ERBB4: variants seen among roughly 807,000 people sequenced by gnomAD.
ERBB4 encodes erb-b2 receptor tyrosine kinase 4, also known as receptor tyrosine-protein kinase erbB-4.
ERBB4 carries 42 observed loss-of-function variants against 158.0 expected under a neutral mutation model. The ratio of observed to expected loss-of-function variants is 0.27; its 90% CI spans 0.21 to 0.34. ERBB4 has a LOEUF of 0.34. ERBB4 is among the 10% of genes least tolerant of loss of function. The probability of loss-of-function intolerance (pLI) is 1.00; values close to 1 mark genes in which losing one functional copy is unlikely to be tolerated. For missense variants in ERBB4, 1,333 were observed against 1,624.1 expected, an observed-to-expected ratio of 0.82 and a Z score of 3.08; for synonymous variants, 583 against 558.7, an observed-to-expected ratio of 1.04 and a Z score of -0.61.
At chr2:212,465,577 A>C (rs1458980848) in intron 1 of ERBB4, among the ~76,000 whole-genome samples, 2 of 152,204 alleles carry the variant, frequency 1.3e-5, no homozygotes, top group Admixed American at 1.3e-4. Context: ...AGCATATGAA[A>C]ATTGGAGCCA....
intron 2 of ERBB4, among the ~76,000 whole-genome samples, chr2:212,073,539 A>G (rs1286970842): frequency 6.6e-6 from 1 of 151,932 alleles, no homozygotes; most frequent in Non-Finnish European, 1.5e-5. Flanking sequence ...CCCTGCAGGG[A>G]GTGAGTCAGA....
At chr2:212,481,731 A>T (rs1167506820) in intron 1 of ERBB4, among the ~76,000 whole-genome samples, 1 of 152,216 alleles carries the variant, frequency 6.6e-6, no homozygotes, top group African/African-American at 2.4e-5. Flanking sequence ...AGCATTCCAC[A>T]AAAAAGTATT....
At chr2:212,115,097 T>C (rs972579977) in intron 2 of ERBB4, among the ~76,000 whole-genome samples, 1 of 152,220 alleles carries the variant, frequency 6.6e-6, no homozygotes, top group East Asian at 1.9e-4. Flanking sequence ...AAGAGGCCTT[T>C]GTTTACTAAA....
At chr2:212,444,788 A>G (rs1300001093) in intron 1 of ERBB4, among the ~76,000 whole-genome samples, 3 of 152,020 alleles carry the variant, frequency 2.0e-5, no homozygotes, top group Admixed American at 6.6e-5. Context: ...GCAGAAACCA[A>G]TGCTGAGCCC....
chr2:211,877,210 C>T (rs1001443609), intron 3 of ERBB4, among the ~76,000 whole-genome samples: 4 of 152,148 alleles, frequency 2.6e-5, no homozygotes, highest in East Asian at 1.9e-4. Flanking sequence ...GGCATTATGA[C>T]GTGGTGGCTG....
At chr2:212,078,630 T>C (rs1343860059) in intron 2 of ERBB4, among the ~76,000 whole-genome samples, 1 of 151,940 alleles carries the variant, frequency 6.6e-6, no homozygotes. Context: ...AATGGTACTA[T>C]GGGCTCATTG....
At chr2:211,632,290 T>C (rs1236779474) in intron 16 of ERBB4, among the ~76,000 whole-genome samples, 1 of 152,080 alleles carries the variant, frequency 6.6e-6, no homozygotes, top group Non-Finnish European at 1.5e-5. Context: ...TTTTTGATCA[T>C]GCAAGTTAAA....
intron 2 of ERBB4, among the ~76,000 whole-genome samples, chr2:211,973,205 C>CT (rs746336887): frequency 0.052 from 4,697 of 91,002 alleles, 94 homozygotes; most frequent in Middle Eastern, 0.12. Flanking sequence ...AGAGAAATTC[C>CT]TTTTTTTCTT....
At chr2:211,710,472 T>C (rs979841541) in intron 9 of ERBB4, among the ~76,000 whole-genome samples, 5 of 152,178 alleles carry the variant, frequency 3.3e-5, no homozygotes, top group Non-Finnish European at 7.3e-5. Flanking sequence ...AGGTCTCCTA[T>C]GCAATGGGGC....
chr2:211,543,718 G>C (rs1189400342), intron 20 of ERBB4, among the ~76,000 whole-genome samples: 5 of 151,716 alleles, frequency 3.3e-5, no homozygotes, highest in Admixed American at 6.6e-5. Context: ...AATAAACCTG[G>C]AAAATATGGG....
At chr2:211,630,887 G>A (rs574916778) in intron 16 of ERBB4, among the ~76,000 whole-genome samples, 1 of 152,238 alleles carries the variant, frequency 6.6e-6, no homozygotes, top group East Asian at 1.9e-4. Flanking sequence ...CTTGCTAGCA[G>A]TATGAAAAAC....
chr2:212,488,492 G>A (rs1312144897), intron 1 of ERBB4, among the ~76,000 whole-genome samples: 17 of 151,946 alleles, frequency 1.1e-4, no homozygotes, highest in Admixed American at 1.1e-3. Context: ...ACTAATGCCT[G>A]GGAATAGTTT....
chr2:212,379,309 A>C (rs924755408), intron 1 of ERBB4, among the ~76,000 whole-genome samples: 2 of 151,776 alleles, frequency 1.3e-5, no homozygotes, highest in Non-Finnish European at 3.0e-5. Context: ...ACACAGCAAC[A>C]AAGTAGTCGT....
chr2:212,460,844 G>T (rs1688534272), intron 1 of ERBB4, among the ~76,000 whole-genome samples: 1 of 152,162 alleles, frequency 6.6e-6, no homozygotes, highest in South Asian at 2.1e-4. Flanking sequence ...TGAGGAAAAT[G>T]TCTCCAGGGA....
intron 20 of ERBB4, among the ~76,000 whole-genome samples, chr2:211,555,873 A>G (rs188827610): frequency 2.6e-5 from 4 of 152,354 alleles, no homozygotes; most frequent in Admixed American, 2.6e-4. Flanking sequence ...AACACACTGA[A>G]GTACACAGAT....
Position 212,138,859 on chromosome 2 carries a change from T to C in ERBB4, c.83-13956A>G, listed in dbSNP as rs1219787562. Among the ~76,000 whole-genome samples, 6 of 152,288 alleles carry C rather than the reference T, an allele frequency of 3.9e-5. No homozygotes were observed. In the East Asian group the frequency reaches 7.7e-4, roughly 20 times the overall value. ...CATTCTAAATTACTTAATAACGATA[T>C]GATTGAACATGTCATGGGTATTGTT... On this transcript the variant is annotated intron_variant, in intron 1 of 27. Transcript: ENST00000342788.
chr2:211,587,061 C>A (rs1437250700), intron 19 of ERBB4, among the ~76,000 whole-genome samples: 1 of 152,092 alleles, frequency 6.6e-6, no homozygotes, highest in African/African-American at 2.4e-5. Flanking sequence ...AAGTGAGGAA[C>A]CATCTGTAGG....
At chr2:211,911,495 G>T (rs1425076863) in intron 3 of ERBB4, among the ~76,000 whole-genome samples, 2 of 151,896 alleles carry the variant, frequency 1.3e-5, no homozygotes, top group Admixed American at 1.3e-4. Context: ...CCAGCTCCTG[G>T]GTTCAAGCAA....
chr2:211,710,167 A>G (rs989736492), intron 9 of ERBB4, among the ~76,000 whole-genome samples: 13 of 152,090 alleles, frequency 8.5e-5, no homozygotes, highest in Admixed American at 8.5e-4. Flanking sequence ...TAAAAGTGGA[A>G]TGTTGTGCCT....
Sources: gnomAD v4.1 joint callset for allele counts (sites outside exome capture counted in the v4.1 genomes callset) on GRCh38, gnomAD v4.1.1 for gene constraint, MANE v1.5 for transcripts, NCBI Gene and HGNC (gene_info 2026-07-23, HGNC 2026-07-21) for gene names.